The following COL6A5 variants were observed in gnomAD, a reference collection of about 807,000 sequenced individuals.
COL6A5 encodes the protein collagen type VI alpha 5 chain, also known as collagen alpha-5(VI) chain.
Under a neutral mutation model 65.6 loss-of-function variants are expected in COL6A5, and 48 were observed. That is an observed-to-expected ratio of 0.73 (90% CI 0.58 to 0.93). The LOEUF (loss-of-function observed/expected upper bound fraction) is 0.93, where lower values mean the gene tolerates loss of function less well. Ranked by LOEUF, COL6A5 falls within the 40% of genes least tolerant of loss-of-function variation. The pLI is 0.00. For synonymous variants in COL6A5, 291 were observed against 322.8 expected, an observed-to-expected ratio of 0.90 and a Z score of 1.05; for missense variants, 914 against 928.3, an observed-to-expected ratio of 0.98 and a Z score of 0.20.
chr3:130,461,910 G>A (rs1289531058), intron 5 of COL6A5, among the ~76,000 whole-genome samples: 1 of 151,802 alleles, frequency 6.6e-6, no homozygotes, highest in Non-Finnish European at 1.5e-5. Flanking sequence ...CAGTGTGCTG[G>A]TCCCTTTCTG....
At chr3:130,426,172 A>G in intron 29 of COL6A5, 42 bp from the exon 30 acceptor site, 2 of 1,543,192 alleles carry the variant, frequency 1.3e-6, no homozygotes, top group East Asian at 2.4e-5. Context: ...TAAAGACTTC[A>G]GTTGGCATAC....
At chr3:130,363,117 G>A (rs1321191938) in intron 1 of COL6A5, among the ~76,000 whole-genome samples, 1 of 151,560 alleles carries the variant, frequency 6.6e-6, no homozygotes, top group African/African-American at 2.4e-5. Flanking sequence ...TTTTTTTGTG[G>A]TTTTAGTTGA....
At chr3:130,443,541 G>C in exon 4 of COL6A5, 2 of 1,610,078 alleles carry the variant, frequency 1.2e-6, no homozygotes, top group Non-Finnish European at 1.7e-6. Flanking sequence ...TTTAGGAGGA[G>C]AGAATATTCA....
At chr3:130,359,471 A>T in intron 1 of COL6A5, among the ~76,000 whole-genome samples, 1 of 152,100 alleles carries the variant, frequency 6.6e-6, no homozygotes, top group East Asian at 1.9e-4. Flanking sequence ...ACAAGGAAAA[A>T]AATGTAATTT....
At chr3:130,453,184 G>A (rs1380853781) in intron 4 of COL6A5, among the ~76,000 whole-genome samples, 1 of 152,094 alleles carries the variant, frequency 6.6e-6, no homozygotes, top group Non-Finnish European at 1.5e-5. Flanking sequence ...TTAAAGTAAA[G>A]ACAGGCATAG....
chr3:130,474,652 A>G (rs1420083297), intron 7 of COL6A5, among the ~76,000 whole-genome samples: 3 of 152,134 alleles, frequency 2.0e-5, no homozygotes, highest in African/African-American at 7.2e-5. Context: ...AAAATACAAT[A>G]TCTAAAATTT....
At chr3:130,379,663 CT>C in exon 4 of COL6A5, 2 of 1,551,440 alleles carry the variant, frequency 1.3e-6, no homozygotes, top group Non-Finnish European at 8.7e-7. Context: ...AATCAAGAAT[CT>C]TTCTATCCAA....
chr3:130,370,552 A>G (rs1935516794), intron 1 of COL6A5, among the ~76,000 whole-genome samples: 1 of 152,194 alleles, frequency 6.6e-6, no homozygotes, highest in African/African-American at 2.4e-5. Context: ...ATTACTTGCC[A>G]AGGGAATTAA....
chr3:130,421,053 A>G (rs1937508084), intron 25 of COL6A5, 100 bp from the exon 26 acceptor site: 2 of 1,065,880 alleles, frequency 1.9e-6, no homozygotes, highest in Non-Finnish European at 1.4e-6. Context: ...TCTGCATGGA[A>G]GTCCCTAGTG....
At chr3:130,477,927 A>G (rs1294843637) in intron 7 of COL6A5, among the ~76,000 whole-genome samples, 2 of 152,098 alleles carry the variant, frequency 1.3e-5, no homozygotes, top group African/African-American at 2.4e-5. Context: ...AATCAAACCA[A>G]TTTGGCCACA....
intron 1 of COL6A5, among the ~76,000 whole-genome samples, chr3:130,372,959 C>A (rs1277326944): frequency 6.6e-6 from 1 of 152,034 alleles, no homozygotes; most frequent in African/African-American, 2.4e-5. Flanking sequence ...GGTTAAATTC[C>A]TGAGATTTTA....
intron 13 of COL6A5, among the ~76,000 whole-genome samples, chr3:130,404,020 C>G (rs1049741177): frequency 2.0e-5 from 3 of 152,110 alleles, no homozygotes; most frequent in African/African-American, 7.2e-5. Flanking sequence ...TCTCTACCCC[C>G]AAGCAGGGCA....
intron 4 of COL6A5, among the ~76,000 whole-genome samples, chr3:130,444,854 A>G (rs966486517): frequency 1.3e-5 from 2 of 152,184 alleles, no homozygotes; most frequent in Non-Finnish European, 2.9e-5. Context: ...ATGTCCAATG[A>G]TAAGTTATCT....
intron 7 of COL6A5, among the ~76,000 whole-genome samples, chr3:130,478,822 A>T (rs1710162414): frequency 6.6e-6 from 1 of 152,092 alleles, no homozygotes; most frequent in African/African-American, 2.4e-5. Context: ...TTAAGGAAGA[A>T]GGGTGTTGCT....
At chr3:130,473,149 T>C (rs181174054) in intron 7 of COL6A5, among the ~76,000 whole-genome samples, 232 of 152,134 alleles carry the variant, frequency 1.5e-3, no homozygotes, top group Middle Eastern at 3.4e-3. Flanking sequence ...CAAAATGGAA[T>C]AGGCCCATGT....
intron 5 of COL6A5, among the ~76,000 whole-genome samples, chr3:130,385,603 A>G (rs1473324957): frequency 6.6e-6 from 1 of 152,040 alleles, no homozygotes; most frequent in African/African-American, 2.4e-5. Context: ...GAAGGTTGCT[A>G]AGAATGTTGG....
upstream of COL6A5, among the ~76,000 whole-genome samples, chr3:130,430,592 A>G (rs1211597996): frequency 6.6e-6 from 1 of 152,242 alleles, no homozygotes; most frequent in African/African-American, 2.4e-5. Flanking sequence ...ATTTTCTATG[A>G]AATTCTAAAG....
At chr3:130,411,362 G>C (rs1485595811) in intron 20 of COL6A5, among the ~76,000 whole-genome samples, 1 of 152,214 alleles carries the variant, frequency 6.6e-6, no homozygotes, top group African/African-American at 2.4e-5. Flanking sequence ...AGAAGGAATT[G>C]AAAATGCTTG....
At chr3:130,354,575 C>G (rs569209670) in intron 1 of COL6A5, among the ~76,000 whole-genome samples, 26 of 152,240 alleles carry the variant, frequency 1.7e-4, no homozygotes, top group African/African-American at 5.5e-4. Flanking sequence ...TAATAAGATG[C>G]CCAGTTAATT....
Sources: allele counts gnomAD v4.1 joint callset (sites outside exome capture counted in the v4.1 genomes callset), GRCh38; gene constraint gnomAD v4.1.1; transcripts MANE v1.5; gene names NCBI Gene and HGNC (gene_info 2026-07-23, HGNC 2026-07-21).